The following CSGALNACT1 variants were observed in gnomAD, a reference collection of about 807,000 sequenced individuals.
CSGALNACT1 encodes chondroitin sulfate N-acetylgalactosaminyltransferase 1, also known as beta4GalNAcT-1.
Under a neutral mutation model 51.0 loss-of-function variants are expected in CSGALNACT1, and 52 were observed. That is an observed-to-expected ratio of 1.02 (90% CI 0.82 to 1.29). The LOEUF is 1.29. Among genes scored for constraint, CSGALNACT1 ranks in the 50% most tolerant of loss-of-function variants. CSGALNACT1 has a pLI of 0.00. For synonymous variants in CSGALNACT1, 341 were observed against 254.4 expected (o/e 1.34, Z -3.24); for missense variants, 935 against 679.2 (o/e 1.38, Z -4.19).
chr8:19,519,841 G>A (rs2080289249), intron 3 of CSGALNACT1, among the ~76,000 whole-genome samples: 2 of 152,204 alleles, frequency 1.3e-5, no homozygotes, highest in Admixed American at 1.3e-4. Context: ...CAGCCAGCAT[G>A]ATGGAGAAGC....
At chr8:19,503,584 G>C (rs1010558949) in intron 4 of CSGALNACT1, among the ~76,000 whole-genome samples, 2 of 151,806 alleles carry the variant, frequency 1.3e-5, no homozygotes, top group Non-Finnish European at 2.9e-5. Flanking sequence ...TTTTTTTAAT[G>C]ATGTTTAATG....
chr8:19,583,772 T>C (rs1286964586), intron 3 of CSGALNACT1, among the ~76,000 whole-genome samples: 1 of 152,220 alleles, frequency 6.6e-6, no homozygotes, highest in Admixed American at 6.5e-5. Flanking sequence ...CCACAAAGCC[T>C]GCACTTTGGG....
chr8:19,550,592 C>T (rs1376005452), intron 3 of CSGALNACT1, among the ~76,000 whole-genome samples: 1 of 152,118 alleles, frequency 6.6e-6, no homozygotes, highest in East Asian at 1.9e-4. Context: ...TGGTCTCATT[C>T]CTTCATCTTG....
chr8:19,440,050 G>A, intron 5 of CSGALNACT1, 119 bp from the exon 5 acceptor site: 1 of 801,790 alleles, frequency 1.2e-6, no homozygotes, highest in Non-Finnish European at 2.1e-6. Flanking sequence ...AAACTTCCAG[G>A]AGAGCCGAGA....
chr8:19,673,892 C>T (rs1335165439), intron 1 of CSGALNACT1, among the ~76,000 whole-genome samples: 3 of 152,178 alleles, frequency 2.0e-5, no homozygotes, highest in African/African-American at 7.2e-5. Context: ...TATCCTGTGC[C>T]AGGCACTATT....
chr8:19,699,308 A>G (rs1424997639), intron 1 of CSGALNACT1, among the ~76,000 whole-genome samples: 1 of 152,268 alleles, frequency 6.6e-6, no homozygotes, highest in African/African-American at 2.4e-5. Context: ...AAAGAATTGA[A>G]AGCAGGATCT....
intron 3 of CSGALNACT1, among the ~76,000 whole-genome samples, chr8:19,534,898 G>A (rs2083451230): frequency 6.6e-6 from 1 of 152,152 alleles, no homozygotes; most frequent in Non-Finnish European, 1.5e-5. Flanking sequence ...CATATATTTT[G>A]TGTCTATCCA....
At chr8:19,693,063 T>A (rs1355286135) in intron 1 of CSGALNACT1, among the ~76,000 whole-genome samples, 3 of 152,204 alleles carry the variant, frequency 2.0e-5, no homozygotes, top group Non-Finnish European at 2.9e-5. Context: ...CCCAGCCTTG[T>A]GCCTATGTGC....
At chr8:19,584,962 ACTTAAGT>A (rs2046318214) in intron 3 of CSGALNACT1, among the ~76,000 whole-genome samples, 1 of 152,102 alleles carries the variant, frequency 6.6e-6, no homozygotes, top group Non-Finnish European at 1.5e-5. Context: ...ACCCAAATAG[ACTTAAGT>A]CTGAATTCTA....
chr8:19,638,811 AT>A, intron 1 of CSGALNACT1, among the ~76,000 whole-genome samples: 1 of 152,068 alleles, frequency 6.6e-6, no homozygotes, highest in Non-Finnish European at 1.5e-5. Context: ...GTGGGAAGGT[AT>A]TTTGTAAATT....
rs552728847 is a variant in CSGALNACT1, at chr8:19,549,094, C to T, written c.-297+42066G>A. Among the ~76,000 whole-genome samples the T allele has an allele frequency of 4.2e-4, 64 of 151,750 alleles. No homozygotes were observed. In the South Asian group the frequency reaches 0.012, roughly 28 times the overall value. On this transcript the variant is annotated intron_variant, in intron 3 of 9. Transcript: ENST00000454498. The stretch of plus-strand genomic sequence containing the variant: ...AGCCTCTCAAACTGCTGGGATTACA[C>T]GCATAAGCCAGCAAGACTAGCTGCT...
intron 1 of CSGALNACT1, among the ~76,000 whole-genome samples, chr8:19,631,583 T>A (rs530377671): frequency 6.6e-6 from 1 of 152,338 alleles, no homozygotes; most frequent in South Asian, 2.1e-4. Flanking sequence ...CTAATTCCTA[T>A]TGCTGAAGGA....
chr8:19,509,273 G>T (rs2077981569), intron 3 of CSGALNACT1, among the ~76,000 whole-genome samples: 1 of 152,126 alleles, frequency 6.6e-6, no homozygotes, highest in African/African-American at 2.4e-5. Flanking sequence ...TCGGATTCTT[G>T]CTTCTGTGAA....
intron 4 of CSGALNACT1, among the ~76,000 whole-genome samples, chr8:19,493,133 G>C (rs2074740128): frequency 2.0e-5 from 3 of 150,846 alleles, no homozygotes; most frequent in African/African-American, 7.3e-5. Context: ...GTCTATGGAA[G>C]AGCCCAAAAT....
At chr8:19,711,459 G>A (rs1236732444) in intron 1 of CSGALNACT1, among the ~76,000 whole-genome samples, 1 of 152,138 alleles carries the variant, frequency 6.6e-6, no homozygotes, top group Non-Finnish European at 1.5e-5. Flanking sequence ...CAAGTAGCAG[G>A]AATTAATGTA....
At chr8:19,591,072 G>A (rs2047711129) in intron 3 of CSGALNACT1, 2 of 152,106 alleles carry the variant, frequency 1.3e-5, no homozygotes, top group Admixed American at 1.3e-4. Flanking sequence ...TATACCTCTT[G>A]GTCAATCTCC....
chr8:19,513,828 A>C (rs1486436017), intron 3 of CSGALNACT1, among the ~76,000 whole-genome samples: 2 of 152,152 alleles, frequency 1.3e-5, no homozygotes, highest in Admixed American at 1.3e-4. Context: ...TAGACAAAGA[A>C]AGGGTACAGT....
In CSGALNACT1 at chr8:19,510,567, C is replaced by T. The variant is rs377063644; in HGVS notation, c.-296-4437G>A. 4.6e-5 allele frequency among the ~76,000 whole-genome samples: 7 copies of T among 152,288 alleles called. No individual in the cohort carries two copies. The South Asian group carries it at 1.2e-3, about 27-fold the overall frequency. ...ACAAATCCCAGCCTCAACAAATTTA[C>T]TAGCTTGTAGAGGAACTAACGTCCT... On this transcript the variant is annotated intron_variant, in intron 3 of 9. Coordinates refer to ENST00000454498, the Ensembl canonical transcript of CSGALNACT1.
At chr8:19,542,385 C>A (rs1375668666) in intron 3 of CSGALNACT1, among the ~76,000 whole-genome samples, 1 of 152,148 alleles carries the variant, frequency 6.6e-6, no homozygotes, top group Admixed American at 6.5e-5. Flanking sequence ...AAGACTGGAA[C>A]AGTATTAGCG....
Sources: allele counts gnomAD v4.1 joint callset (sites outside exome capture counted in the v4.1 genomes callset), GRCh38; gene constraint gnomAD v4.1.1; transcripts MANE v1.5; gene names NCBI Gene and HGNC (gene_info 2026-07-23, HGNC 2026-07-21).